Variants in SLC7A7 observed in about 807,000 individuals in gnomAD.
SLC7A7 encodes the protein solute carrier family 7 member 7, also known as Y+L amino acid transporter 1.
A neutral mutation model predicts 47.9 loss-of-function variants in SLC7A7; 39 were observed. The ratio of observed to expected loss-of-function variants is 0.81; its 90% CI spans 0.63 to 1.06. The LOEUF (loss-of-function observed/expected upper bound fraction) is 1.06. Ranked by LOEUF, SLC7A7 falls within the 50% of genes least tolerant of loss-of-function variation. The pLI, the probability that SLC7A7 is intolerant of heterozygous loss-of-function variation, is 0.00. For synonymous variants in SLC7A7, 234 were observed against 242.8 expected (o/e 0.96, Z 0.34); for missense variants, 588 against 632.0 (o/e 0.93, Z 0.75).
At chr14:22,803,477 G>T (rs1186751316) in intron 2 of SLC7A7, among the ~76,000 whole-genome samples, 1 of 152,164 alleles carries the variant, frequency 6.6e-6, no homozygotes, top group African/African-American at 2.4e-5. Flanking sequence ...AGATACGATA[G>T]GTCTCTAGTA....
rs1264298481 is a variant in SLC7A7 at position 22,778,792 on chromosome 14, C to A, written c.770+1G>T. ...TGGAAAGTTGGTGGTGCAGTACCTACCTCTCAGGATTCTTGATCTCTTCAG... is the reference window on the plus strand; with the variant it reads ...TGGAAAGTTGGTGGTGCAGTACCTAACTCTCAGGATTCTTGATCTCTTCAG... On this transcript the variant is annotated splice_donor_variant, in intron 4 of 9. Coordinates refer to ENST00000674313, the MANE Select transcript of SLC7A7 (RefSeq NM_003982.4). LOFTEE classifies it high-confidence loss of function. 1 of 1,614,012 alleles carries A rather than the reference C, an allele frequency of 6.2e-7. No homozygotes were observed. The highest frequency in any genetic ancestry group is 1.7e-5 in the Admixed American group (1 of 60,012).
At chr14:22,782,571 C>G (rs570065644) in intron 2 of SLC7A7, among the ~76,000 whole-genome samples, 24 of 152,064 alleles carry the variant, frequency 1.6e-4, no homozygotes, top group African/African-American at 5.5e-4. Context: ...AAGCAATTCT[C>G]CTGCCTCAGC....
At chr14:22,806,769 C>T (rs2039216838) in intron 2 of SLC7A7, among the ~76,000 whole-genome samples, 1 of 152,056 alleles carries the variant, frequency 6.6e-6, no homozygotes, top group African/African-American at 2.4e-5. Flanking sequence ...TATGAGGAGC[C>T]ACTGGAGGAT....
intron 2 of SLC7A7, among the ~76,000 whole-genome samples, chr14:22,797,800 A>C (rs1270804040): frequency 6.6e-6 from 1 of 152,254 alleles, no homozygotes; most frequent in Non-Finnish European, 1.5e-5. Flanking sequence ...TTCAAGGTCT[A>C]TTAGTAATAC....
intron 4 of SLC7A7, 148 bp from the exon 5 acceptor site, chr14:22,776,466 C>G: frequency 9.9e-7 from 1 of 1,012,870 alleles, no homozygotes; most frequent in Admixed American, 1.9e-5. Context: ...TTGACGGTGC[C>G]CTGGATAGTG....
At chr14:22,813,523 C>T (rs550389358) in intron 1 of SLC7A7, 83 bp from the exon 2 acceptor site, 477 of 1,245,978 alleles carry the variant, frequency 3.8e-4, no homozygotes, top group Non-Finnish European at 5.1e-4. Flanking sequence ...CAGGGTAATA[C>T]GGGCAGCTCA....
At chr14:22,815,180 A>AT (rs775320572) in intron 1 of SLC7A7, 140 bp downstream of exon 1, 11 of 358,872 alleles carry the variant, frequency 3.1e-5, no homozygotes, top group Non-Finnish European at 5.0e-5. Flanking sequence ...TGAGAGGAAA[A>AT]TGGGAGAGGC....
At chr14:22,774,583 A>G (rs1431710709) in intron 7 of SLC7A7, 80 bp from the exon 8 acceptor site, 1 of 1,580,600 alleles carries the variant, frequency 6.3e-7, no homozygotes, top group South Asian at 1.1e-5. Flanking sequence ...TACCCCAGAA[A>G]TCCATCCCCT....
intron 2 of SLC7A7, among the ~76,000 whole-genome samples, chr14:22,796,881 G>C (rs992469217): frequency 6.6e-6 from 1 of 152,184 alleles, no homozygotes; most frequent in African/African-American, 2.4e-5. Flanking sequence ...CCTCCTTTCT[G>C]ATCCCTGAGC....
At chr14:22,809,640 C>A (rs745771247) in intron 2 of SLC7A7, among the ~76,000 whole-genome samples, 1 of 151,984 alleles carries the variant, frequency 6.6e-6, no homozygotes, top group Non-Finnish European at 1.5e-5. Flanking sequence ...CATGCCCGGC[C>A]TTTTTTGTAT....
At chr14:22,782,650 TG>T (rs2038740798) in intron 2 of SLC7A7, among the ~76,000 whole-genome samples, 1 of 151,056 alleles carries the variant, frequency 6.6e-6, no homozygotes. Context: ...TTAGTAGAGA[TG>T]GGGTTTCACC....
chr14:22,813,249 C>T lies in SLC7A7; in HGVS notation c.150G>A (p.Met50Ile). The T allele has an allele frequency of 6.2e-7, 1 of 1,613,866 alleles. No individual in the cohort carries two copies. Among genetic ancestry groups the T allele is most frequent in the East Asian group, 2.2e-5 (1 of 44,874 alleles). The change falls in exon 2 of 10, where the codon ATG (methionine) becomes ATA (isoleucine). Residue 50 changes from methionine to isoleucine, a missense_variant. Coordinates refer to ENST00000674313, the MANE Select transcript of SLC7A7 (RefSeq NM_003982.4). ...GGGAAACAAAGATGCCCGAGCCGATCATGTTCCCCACAATCAGGCACACGC... is the reference window on the plus strand; with the variant it reads ...GGGAAACAAAGATGCCCGAGCCGATTATGTTCCCCACAATCAGGCACACGC... Reference protein sequence around the residue: ...LNGVCLIVGNMIGSGIFVSPK... With the variant: ...LNGVCLIVGNIIGSGIFVSPK...
intron 2 of SLC7A7, among the ~76,000 whole-genome samples, chr14:22,790,311 CA>C (rs1268129945): frequency 9.2e-6 from 1 of 109,178 alleles, no homozygotes; most frequent in African/African-American, 3.6e-5. Context: ...GCCTGGGTGA[CA>C]GAGCAAGACT....
intron 6 of SLC7A7, 89 bp downstream of exon 6, chr14:22,775,744 A>G (rs2038590079): frequency 2.9e-6 from 3 of 1,032,858 alleles, no homozygotes; most frequent in South Asian, 2.5e-5. Context: ...CGGTTGGAGA[A>G]CACAAGTAAT....
intron 1 of SLC7A7, chr14:22,815,080 TTGC>T: frequency 3.0e-6 from 1 of 332,066 alleles, no homozygotes; most frequent in Non-Finnish European, 6.0e-6. Flanking sequence ...TACCCCAGAG[TTGC>T]TGCTGGAGAG....
intron 4 of SLC7A7, among the ~76,000 whole-genome samples, chr14:22,777,862 T>C (rs2038644954): frequency 6.6e-6 from 1 of 152,138 alleles, no homozygotes; most frequent in Non-Finnish European, 1.5e-5. Flanking sequence ...TCACCTGAGG[T>C]CAGGAGTTCG....
At chr14:22,775,009 T>C (rs897462022) in intron 7 of SLC7A7, among the ~76,000 whole-genome samples, 1 of 152,172 alleles carries the variant, frequency 6.6e-6, no homozygotes, top group African/African-American at 2.4e-5. Flanking sequence ...CTATTTCTCC[T>C]ACCTAAAGCC....
At chr14:22,787,613 G>C (rs1180310689) in intron 2 of SLC7A7, among the ~76,000 whole-genome samples, 1 of 151,494 alleles carries the variant, frequency 6.6e-6, no homozygotes, top group East Asian at 1.9e-4. Flanking sequence ...AAAATTAGCA[G>C]GGTGTGATGG....
intron 2 of SLC7A7, among the ~76,000 whole-genome samples, chr14:22,784,044 C>T (rs551990629): frequency 1.3e-5 from 2 of 152,334 alleles, no homozygotes; most frequent in African/African-American, 4.8e-5. Context: ...TGACCACTGG[C>T]CCCAGAGCCC....
Sources: gnomAD v4.1 joint callset for allele counts (sites outside exome capture counted in the v4.1 genomes callset) on GRCh38, gnomAD v4.1.1 for gene constraint, MANE v1.5 for transcripts, NCBI Gene and HGNC (gene_info 2026-07-23, HGNC 2026-07-21) for gene names.